The following THSD7B variants were observed in gnomAD, a reference collection of about 807,000 sequenced individuals.
THSD7B encodes the protein thrombospondin type-1 domain-containing protein 7B.
THSD7B carries 138 observed loss-of-function variants against 213.6 expected under a neutral mutation model. The ratio of observed to expected loss-of-function variants is 0.65; its 90% CI spans 0.56 to 0.74. The LOEUF (loss-of-function observed/expected upper bound fraction) is 0.74, where lower values mean the gene tolerates loss of function less well. Among genes scored for constraint, THSD7B ranks in the 30% least tolerant of loss-of-function variants. The pLI, the probability that THSD7B is intolerant of heterozygous loss-of-function variation, is 0.00. For synonymous variants in THSD7B, 742 were observed against 687.0 expected (o/e 1.08, Z -1.25); for missense variants, 1,931 against 1,991.5 (o/e 0.97, Z 0.58).
At chr2:137,532,595 C>T (rs1680419045) in intron 15 of THSD7B, among the ~76,000 whole-genome samples, 1 of 151,738 alleles carries the variant, frequency 6.6e-6, no homozygotes, top group Non-Finnish European at 1.5e-5. Flanking sequence ...AATGATTAAA[C>T]TACTTGGTTA....
chr2:136,803,565 T>A (rs1201487209), intron 1 of THSD7B, among the ~76,000 whole-genome samples: 2 of 152,168 alleles, frequency 1.3e-5, no homozygotes, highest in Non-Finnish European at 2.9e-5. Context: ...AGAGAATTTT[T>A]AAATTAGATT....
chr2:137,097,149 A>AT (rs919328488), intron 4 of THSD7B, among the ~76,000 whole-genome samples: 30 of 148,178 alleles, frequency 2.0e-4, no homozygotes, highest in East Asian at 9.9e-4. Flanking sequence ...TCTATCCTTC[A>AT]TTTTTTTTTT....
intron 5 of THSD7B, among the ~76,000 whole-genome samples, chr2:137,144,178 A>G (rs1241154238): frequency 6.6e-6 from 1 of 152,094 alleles, no homozygotes; most frequent in African/African-American, 2.4e-5. Flanking sequence ...CAGCTTGGAA[A>G]GAAGAGAATA....
chr2:137,342,458 C>A (rs1684783561), intron 12 of THSD7B, among the ~76,000 whole-genome samples: 1 of 151,474 alleles, frequency 6.6e-6, no homozygotes, highest in African/African-American at 2.4e-5. Context: ...CATTAGCAAA[C>A]AGTGACAATT....
intron 15 of THSD7B, among the ~76,000 whole-genome samples, chr2:137,546,444 T>TTATA (rs1179332167): frequency 3.5e-5 from 1 of 28,392 alleles, no homozygotes; most frequent in Non-Finnish European, 5.7e-5. Flanking sequence ...ATTATATATA[T>TTATA]TATATATATA....
At chr2:137,411,479 C>A in intron 13 of THSD7B, 130 bp from the exon 14 acceptor site, 1 of 859,532 alleles carries the variant, frequency 1.2e-6, no homozygotes. Flanking sequence ...ACTTTCATGA[C>A]AAAAGAGTGA....
At chr2:137,221,484 A>G (rs1420543815) in intron 7 of THSD7B, among the ~76,000 whole-genome samples, 11 of 152,312 alleles carry the variant, frequency 7.2e-5, no homozygotes, top group African/African-American at 2.6e-4. Context: ...TATTGAATGT[A>G]CATTAAAAAG....
At chr2:137,671,033 A>G (rs992686616) in intron 27 of THSD7B, among the ~76,000 whole-genome samples, 1 of 151,720 alleles carries the variant, frequency 6.6e-6, no homozygotes, top group African/African-American at 2.4e-5. Context: ...CACTCTTATC[A>G]CTGCTTTAGT....
At chr2:136,921,739 C>T (rs1684441960) in intron 2 of THSD7B, among the ~76,000 whole-genome samples, 1 of 152,140 alleles carries the variant, frequency 6.6e-6, no homozygotes, top group African/African-American at 2.4e-5. Flanking sequence ...CATAAAGGCC[C>T]TGTTTTTTGC....
At chr2:137,356,947 TACACAC>T (rs369031158) in intron 12 of THSD7B, among the ~76,000 whole-genome samples, 6 of 113,830 alleles carry the variant, frequency 5.3e-5, no homozygotes, top group Admixed American at 4.0e-4. Context: ...CACACACACA[TACACAC>T]ACACACACAC....
chr2:136,804,693 A>G (rs982035885), intron 1 of THSD7B, among the ~76,000 whole-genome samples: 5 of 152,204 alleles, frequency 3.3e-5, no homozygotes, highest in African/African-American at 1.2e-4. Context: ...TCCTTCCTAC[A>G]GATAACCTGG....
At chr2:137,413,554 G>A (rs1395566288) in intron 14 of THSD7B, among the ~76,000 whole-genome samples, 1 of 152,194 alleles carries the variant, frequency 6.6e-6, no homozygotes, top group Non-Finnish European at 1.5e-5. Context: ...GTAAGAAGGA[G>A]GCAGATGTAC....
chr2:137,228,708 A>G (rs768934386), intron 7 of THSD7B, among the ~76,000 whole-genome samples: 1 of 152,152 alleles, frequency 6.6e-6, no homozygotes, highest in Non-Finnish European at 1.5e-5. Context: ...GAACCATGCC[A>G]ATCCACTGAA....
intron 2 of THSD7B, among the ~76,000 whole-genome samples, chr2:136,890,321 T>TCTCCTTCTCCTTCTC (rs1558839809): frequency 9.1e-4 from 2 of 2,202 alleles, no homozygotes; most frequent in African/African-American, 2.2e-3. Flanking sequence ...TTCTTCTTCT[T>TCTCCTTCTCCTTCTC]CTTCTTCTTC....
intron 15 of THSD7B, among the ~76,000 whole-genome samples, chr2:137,455,815 C>T (rs564999687): frequency 6.6e-6 from 1 of 152,244 alleles, no homozygotes; most frequent in South Asian, 2.1e-4. Context: ...GATTTAAGTG[C>T]ACTTGCACTG....
intron 2 of THSD7B, among the ~76,000 whole-genome samples, chr2:136,983,744 G>A (rs550557840): frequency 6.6e-6 from 1 of 152,214 alleles, no homozygotes; most frequent in Non-Finnish European, 1.5e-5. Flanking sequence ...GCAGAGAAAT[G>A]TGCCACGTTG....
At chr2:137,096,579 A>G (rs1688044227) in intron 4 of THSD7B, among the ~76,000 whole-genome samples, 1 of 152,198 alleles carries the variant, frequency 6.6e-6, no homozygotes, top group Non-Finnish European at 1.5e-5. Flanking sequence ...GATGCAGTGC[A>G]TGCCTTTTTA....
At chr2:137,405,991 C>T (rs775687751) in intron 13 of THSD7B, among the ~76,000 whole-genome samples, 184 bp downstream of exon 13, 7 of 152,240 alleles carry the variant, frequency 4.6e-5, no homozygotes, top group East Asian at 1.9e-4. Context: ...TTAATGTTTC[C>T]GAAATGAATG....
At chr2:137,123,953 A>G (rs914200272) in intron 5 of THSD7B, among the ~76,000 whole-genome samples, 1 of 152,062 alleles carries the variant, frequency 6.6e-6, no homozygotes, top group Non-Finnish European at 1.5e-5. Context: ...GTAGATAAGA[A>G]CTCAGTCGAT....
Sources: allele counts gnomAD v4.1 joint callset (sites outside exome capture counted in the v4.1 genomes callset), GRCh38; gene constraint gnomAD v4.1.1; transcripts MANE v1.5; gene names NCBI Gene and HGNC (gene_info 2026-07-23, HGNC 2026-07-21).